The following IFFO2 variants were observed in gnomAD, a reference collection of about 807,000 sequenced individuals.
The protein encoded by IFFO2 is intermediate filament family orphan 2.
Under a neutral mutation model 53.5 loss-of-function variants are expected in IFFO2, and 19 were observed. The observed-to-expected ratio is 0.36, with a 90% CI of 0.25 to 0.52. The LOEUF is 0.52. Ranked by LOEUF, IFFO2 falls within the 20% of genes least tolerant of loss-of-function variation. The pLI is 0.94. For synonymous variants in IFFO2, 303 were observed against 313.6 expected (o/e 0.97, Z 0.36); for missense variants, 570 against 727.4 (o/e 0.78, Z 2.49).
intron 1 of IFFO2, among the ~76,000 whole-genome samples, chr1:18,938,269 T>A (rs1936475141): frequency 6.6e-6 from 1 of 152,196 alleles, no homozygotes; most frequent in Non-Finnish European, 1.5e-5. Flanking sequence ...GAAGACCCCA[T>A]AAGATCATAA....
rs146203946 is a variant in IFFO2, at chr1:18,928,289, C to A, written c.666-7168G>T. Among the ~76,000 whole-genome samples the A allele has an allele frequency of 5.3e-5, 8 of 152,174 alleles. No homozygotes were observed. The highest frequency in any genetic ancestry group is 4.2e-4 in the South Asian group (2 of 4,816). Reference sequence around the variant, plus strand: ...TCCCAAGGAAAGGCTGTCTCGCAGACGTGCCCATCAGAGCCCGGCTGCCCA... The same window carrying A: ...TCCCAAGGAAAGGCTGTCTCGCAGAAGTGCCCATCAGAGCCCGGCTGCCCA... On this transcript the variant is annotated intron_variant, in intron 1 of 8. Transcript: ENST00000455833. This position sits in a 1 kb window ranked among gnomAD's most constrained non-coding sequence, Gnocchi z 4.9.
At chr1:18,926,002 T>G (rs1209760704) in intron 1 of IFFO2, among the ~76,000 whole-genome samples, 28 of 10,250 alleles carry the variant, frequency 2.7e-3, no homozygotes, top group East Asian at 5.6e-3. Flanking sequence ...ATGGATGGAT[T>G]GGTTGGATGG....
chr1:18,939,855 C>T (rs1936498420), intron 1 of IFFO2, among the ~76,000 whole-genome samples: 1 of 152,202 alleles, frequency 6.6e-6, no homozygotes, highest in Non-Finnish European at 1.5e-5. Flanking sequence ...GGACACTGGA[C>T]GGCCCGTCTC....
intron 1 of IFFO2, among the ~76,000 whole-genome samples, chr1:18,932,089 G>A (rs1352338313): frequency 1.3e-5 from 2 of 152,210 alleles, no homozygotes; most frequent in Admixed American, 1.3e-4. Context: ...GAGCTGGACG[G>A]AACAAGGCTC....
chr1:18,922,370 G>A (rs1262051198), intron 1 of IFFO2, among the ~76,000 whole-genome samples: 2 of 152,142 alleles, frequency 1.3e-5, no homozygotes, highest in Non-Finnish European at 2.9e-5. Flanking sequence ...ACATGGCCTC[G>A]GAGCAGGGCA....
intron 1 of IFFO2, among the ~76,000 whole-genome samples, chr1:18,931,825 C>A (rs1936379348): frequency 6.6e-6 from 1 of 152,220 alleles, no homozygotes; most frequent in Non-Finnish European, 1.5e-5. Flanking sequence ...GCTCCATAAG[C>A]CCCACTCCCT....
At chr1:18,932,595 T>C (rs1936393798) in intron 1 of IFFO2, among the ~76,000 whole-genome samples, 1 of 152,052 alleles carries the variant, frequency 6.6e-6, no homozygotes, top group South Asian at 2.1e-4. Flanking sequence ...AGTAAATGAG[T>C]CAACACACGT....
rs1018132616 is a variant in IFFO2 at position 18,905,966 on chromosome 1, G to C, written c.*2595C>G. On this transcript the variant is annotated 3_prime_UTR_variant, in exon 9 of 9. Coordinates refer to ENST00000455833, the MANE Select transcript of IFFO2 (RefSeq NM_001136265.2). ...GCTAGGACTGGTGCTGCCCCAGCGA[G>C]CGTTGGGGTCTTTCTTGGCAAGCTG... 4 of 152,254 alleles carry C rather than the reference G, an allele frequency of 2.6e-5. No individual in the cohort carries two copies. Among genetic ancestry groups the C allele is most frequent in the African/African-American group, 9.6e-5 (4 of 41,460 alleles). 9.4% of individuals were successfully genotyped at this position (152,254 alleles called of 1,614,324 possible).
intron 5 of IFFO2, among the ~76,000 whole-genome samples, chr1:18,915,589 C>T (rs758007779): frequency 5.3e-5 from 8 of 152,122 alleles, no homozygotes; most frequent in Non-Finnish European, 1.2e-4. Context: ...AATCCCAGCT[C>T]AGCCACATAC....
chr1:18,918,885 C>G lies in IFFO2; in HGVS notation c.823-383G>C, dbSNP rs986100176. 6.6e-6 allele frequency among the ~76,000 whole-genome samples: 1 copy of G among 152,164 alleles called. No homozygotes were observed. Among genetic ancestry groups the G allele is most frequent in the South Asian group, 2.1e-4 (1 of 4,828 alleles). ...ACCTGTCCCCCACACAGGCAGCTCTCTCTCCTGGATGCCTCCCAAGGCCGG... is the reference window on the plus strand; with the variant it reads ...ACCTGTCCCCCACACAGGCAGCTCTGTCTCCTGGATGCCTCCCAAGGCCGG... On this transcript the variant is annotated intron_variant, in intron 3 of 8. Transcript: ENST00000455833. This position sits in a 1 kb window ranked among gnomAD's most constrained non-coding sequence, Gnocchi z 5.2.
Position 18,939,222 on chromosome 1 carries a change from C to A in IFFO2, c.665+16446G>T, listed in dbSNP as rs574982351. Among the ~76,000 whole-genome samples the A allele has an allele frequency of 1.1e-4, 16 of 152,362 alleles. No individual in the cohort carries two copies. The South Asian group carries it at 2.9e-3, about 28-fold the overall frequency. The stretch of plus-strand genomic sequence containing the variant: ...GGAATCTGCCAACCCAGGGAACCAG[C>A]AGGCAGGAGCACTGATTCCAGGCCA... On this transcript the variant is annotated intron_variant, in intron 1 of 8. Coordinates refer to ENST00000455833, the MANE Select transcript of IFFO2 (RefSeq NM_001136265.2).
chr1:18,944,569 A>T (rs1259292564), intron 1 of IFFO2, among the ~76,000 whole-genome samples: 2 of 152,116 alleles, frequency 1.3e-5, no homozygotes, highest in Non-Finnish European at 2.9e-5. Context: ...CCCCACCATG[A>T]TGTCAAGACC....
chr1:18,931,623 T>C (rs1013705755), intron 1 of IFFO2, among the ~76,000 whole-genome samples: 3 of 152,166 alleles, frequency 2.0e-5, no homozygotes, highest in African/African-American at 7.2e-5. Flanking sequence ...GAATTTGCAT[T>C]TATTGTAAAA....
intron 1 of IFFO2, among the ~76,000 whole-genome samples, chr1:18,945,605 G>A (rs540000371): frequency 1.2e-4 from 18 of 152,380 alleles, no homozygotes; most frequent in African/African-American, 4.3e-4. Flanking sequence ...AGCAGGGTCT[G>A]TGTGAACACA....
chr1:18,938,811 C>T (rs987263028), intron 1 of IFFO2, among the ~76,000 whole-genome samples: 2 of 152,204 alleles, frequency 1.3e-5, no homozygotes, highest in Non-Finnish European at 2.9e-5. Flanking sequence ...GCAGGGGCCA[C>T]GCCCACCCCT....
chr1:18,911,497 G>T (rs1173026950), intron 6 of IFFO2, 21 bp from the exon 7 acceptor site: 10 of 1,064,080 alleles, frequency 9.4e-6, no homozygotes, highest in Non-Finnish European at 1.3e-5. Context: ...AGAACAAACG[G>T]GACAGTTTAT....
intron 1 of IFFO2, among the ~76,000 whole-genome samples, chr1:18,932,708 A>G (rs1416290878): frequency 6.6e-6 from 1 of 152,188 alleles, no homozygotes; most frequent in Non-Finnish European, 1.5e-5. Context: ...TGCCATGGAA[A>G]ATGGGTAACT....
chr1:18,909,019 G>C (rs1481642903), intron 8 of IFFO2, among the ~76,000 whole-genome samples: 1 of 151,884 alleles, frequency 6.6e-6, no homozygotes, highest in Non-Finnish European at 1.5e-5. Context: ...GGCCATGCGG[G>C]ATATGGTTAA....
At position 18,956,112 on chromosome 1, in the gene IFFO2, A is replaced by G; in HGVS notation, c.221T>C (p.Leu74Pro). The change falls in exon 1 of 9, where the codon CTG (leucine) becomes CCG (proline). Residue 74 changes from leucine (L) to proline (P), a missense_variant. Leu to Pro is a moderately conservative substitution (Grantham distance 98, BLOSUM62 -3). Transcript: ENST00000455833. This position sits in a 1 kb window ranked among gnomAD's most constrained non-coding sequence, Gnocchi z 6.4. ...FRCFLAKVHE[L>P]ERRNRLLEKQ... Reference sequence around the variant, plus strand: ...CTCCAGCAGCCGGTTGCGCCGCTCCAGCTCGTGCACCTTAGCCAGGAAGCA... The same window carrying G: ...CTCCAGCAGCCGGTTGCGCCGCTCCGGCTCGTGCACCTTAGCCAGGAAGCA... 1.3e-6 allele frequency: 2 copies of G among 1,505,380 alleles called. No individual in the cohort carries two copies. Among genetic ancestry groups the G allele is most frequent in the Non-Finnish European group, 1.8e-6 (2 of 1,119,696 alleles). 93.3% of individuals were successfully genotyped at this position (1,505,380 alleles called of 1,614,324 possible).
Sources: gnomAD v4.1 joint callset for allele counts (sites outside exome capture counted in the v4.1 genomes callset) on GRCh38, gnomAD v4.1.1 for gene constraint, Gnocchi (gnomAD v3.1) non-coding constraint, MANE v1.5 for transcripts, NCBI Gene and HGNC (gene_info 2026-07-23, HGNC 2026-07-21) for gene names.